Variants in SLC22A31 observed in about 807,000 individuals in gnomAD.
SLC22A31 encodes putative solute carrier family 22 member 31.
Under a neutral mutation model 27.4 loss-of-function variants are expected in SLC22A31, and 42 were observed. The ratio of observed to expected loss-of-function variants is 1.53; its 90% CI spans 1.20 to 1.98. The LOEUF (loss-of-function observed/expected upper bound fraction) is 1.98. SLC22A31 is among the 30% of genes most tolerant of loss of function. The pLI is 0.00. For synonymous variants in SLC22A31, 290 were observed against 230.8 expected (o/e 1.26, Z -2.33); for missense variants, 593 against 479.9 (o/e 1.24, Z -2.20).
chr16:89,198,200 A>G lies in SLC22A31; in HGVS notation c.844T>C (p.Cys282Arg), dbSNP rs2151611934. 1 of 1,535,834 alleles carries G rather than the reference A, an allele frequency of 6.5e-7. No homozygotes were observed. Among genetic ancestry groups the G allele is most frequent in the East Asian group, 2.4e-5 (1 of 40,924 alleles). ...LVFLLLTADC[C>R]GRRPVLLLGT... Reference sequence around the variant, plus strand: ...AGCAGCAGCACGGGGCGGCGTCCACAGCAATCTGCCGTCAGGAGCAGGAAG... The same window carrying G: ...AGCAGCAGCACGGGGCGGCGTCCACGGCAATCTGCCGTCAGGAGCAGGAAG... The change falls in exon 7 of 9, where the codon TGT becomes CGT. Residue 282 changes from cysteine to arginine, a missense_variant. Cys to Arg is a radical substitution (Grantham distance 180, BLOSUM62 -3). Coordinates refer to ENST00000682282, the MANE Select transcript of SLC22A31 (RefSeq NM_001384763.1).
At chr16:89,198,595 C>G (rs1916219219) in intron 5 of SLC22A31, 45 bp from the exon 6 acceptor site, 1 of 1,521,132 alleles carries the variant, frequency 6.6e-7, no homozygotes, top group Non-Finnish European at 8.8e-7. Context: ...GGAGCTGTGC[C>G]TCTCCGAAGC....
chr16:89,196,211 G>T lies in SLC22A31; in HGVS notation c.1129C>A (p.Gln377Lys), dbSNP rs1915882681. ...TLHGRQGFFLQQVVFASLAVL... is the reference protein window; with the variant it reads ...TLHGRQGFFLKQVVFASLAVL... ...GCAAGGGAGGCGAAGACGACTTGTTGCAGGAAGAAGCCCTGCCGGCCGTGC... is the reference window on the plus strand; with the variant it reads ...GCAAGGGAGGCGAAGACGACTTGTTTCAGGAAGAAGCCCTGCCGGCCGTGC... The change falls in exon 9 of 9, where the codon CAA (glutamine) becomes AAA (lysine). Residue 377 changes from glutamine (Q) to lysine (K), a missense_variant. Gln to Lys is a moderately conservative substitution (Grantham distance 53). Transcript: ENST00000682282. 1 of 1,534,908 alleles carries T rather than the reference G, an allele frequency of 6.5e-7. No individual in the cohort carries two copies. The highest frequency in any genetic ancestry group is 8.7e-7 in the Non-Finnish European group (1 of 1,146,494).
At chr16:89,198,050 G>C in intron 7 of SLC22A31, 72 bp downstream of exon 7, 1 of 1,485,052 alleles carries the variant, frequency 6.7e-7, no homozygotes, top group South Asian at 1.3e-5. Context: ...TCGGCACTAT[G>C]GCCCCCTGGT....
At chr16:89,197,240 C>G in intron 8 of SLC22A31, 58 bp downstream of exon 8, 1 of 1,382,458 alleles carries the variant, frequency 7.2e-7, no homozygotes, top group East Asian at 2.5e-5. Flanking sequence ...CACCTGGCCC[C>G]TCCTCCCCAT....
chr16:89,196,305 C>A lies in SLC22A31; in HGVS notation c.1035G>T (p.Arg345Ser), dbSNP rs894777592. 31 of 1,459,044 alleles carry A rather than the reference C, an allele frequency of 2.1e-5. No homozygotes were observed. In the Middle Eastern group the frequency reaches 9.8e-4, roughly 46 times the overall value. 90.4% of individuals were successfully genotyped at this position (1,459,044 alleles called of 1,614,324 possible). A position where few individuals can be genotyped will look rare whatever the true frequency, so the allele number is the denominator to read the frequency against. ...FAAEVFPTVI[R>S]GAGLGLVLGA... is the part of the protein sequence containing the mutation. ...CCAGCACCAGGCCCAGCCCGGCCCC[C>A]CTGTGGGACAGAGTGTGTTGGGGGC... The change falls in exon 9 of 9, where the codon AGG becomes AGT. Residue 345 changes from arginine to serine, a missense_variant and splice_region_variant. By Grantham distance (110) the Arg-to-Ser change is moderately radical (BLOSUM62 -1). Coordinates refer to ENST00000682282, the MANE Select transcript of SLC22A31 (RefSeq NM_001384763.1).
At chr16:89,197,445 C>T in intron 7 of SLC22A31, 36 bp from the exon 8 acceptor site, 1 of 1,460,288 alleles carries the variant, frequency 6.8e-7, no homozygotes, top group Non-Finnish European at 9.3e-7. Flanking sequence ...AGGCTCTCTC[C>T]CCAGGCCTTC....
At chr16:89,201,352 G>A (rs2076508958), upstream of SLC22A31, 5 of 190,912 alleles carry the variant, frequency 2.6e-5, no homozygotes, top group South Asian at 3.8e-4. Flanking sequence ...GTGCGGGCGC[G>A]GGGCGCGGGC....
intron 6 of SLC22A31, 39 bp downstream of exon 6, chr16:89,198,403 C>CG: frequency 1.3e-6 from 2 of 1,528,420 alleles, no homozygotes; most frequent in Non-Finnish European, 1.8e-6. Context: ...ATGCCCACCC[C>CG]GGGGGATGGT....
chr16:89,197,214 G>A (rs1484775370), intron 8 of SLC22A31, 84 bp downstream of exon 8: 3 of 1,085,764 alleles, frequency 2.8e-6, no homozygotes, highest in African/African-American at 3.1e-5. Flanking sequence ...GGGGTATGGG[G>A]ACAGGGCCTC....
intron 7 of SLC22A31, among the ~76,000 whole-genome samples, chr16:89,197,692 T>A (rs1375573431): frequency 6.6e-6 from 1 of 152,182 alleles, no homozygotes; most frequent in Non-Finnish European, 1.5e-5. Flanking sequence ...CCACTGTCTT[T>A]GCAATTTCGA....
upstream of SLC22A31, chr16:89,201,350 GCGGGGCGCGGGCC>G (rs1485203015): frequency 2.5e-5 from 5 of 200,318 alleles, no homozygotes; most frequent in African/African-American, 5.1e-4. Context: ...GCGTGCGGGC[GCGGGGCGCGGGCC>G]CGGGGCGGGT....
In SLC22A31 at chr16:89,198,752, T is replaced by G. The variant is rs1007864455; in HGVS notation, c.498A>C (p.Thr166=). ...FPESPCWLLA[T]GQVARARKIL... Reference sequence around the variant, plus strand: ...TCTTCCTGGCTCGAGCTACCTGACCTGTGGCCAGCAGCCAGCAGGGAGACT... The same window carrying G: ...TCTTCCTGGCTCGAGCTACCTGACCGGTGGCCAGCAGCCAGCAGGGAGACT... The change falls in exon 5 of 9, where the codon ACA becomes ACC. Residue 166 remains threonine, a synonymous_variant. Coordinates refer to ENST00000682282, the MANE Select transcript of SLC22A31 (RefSeq NM_001384763.1). 66 of 1,534,910 alleles carry G rather than the reference T, an allele frequency of 4.3e-5. No homozygotes were observed. Among genetic ancestry groups the G allele is most frequent in the Non-Finnish European group, 5.4e-5 (62 of 1,146,138 alleles).
Position 89,197,313 on chromosome 16 carries a change from A to T in SLC22A31, c.1019T>A (p.Phe340Tyr), listed in dbSNP as rs1221512776. The T allele has an allele frequency of 8.5e-6, 13 of 1,535,532 alleles. No homozygotes were observed. Among genetic ancestry groups the T allele is most frequent in the African/African-American group, 1.4e-5 (1 of 73,006 alleles). The change falls in exon 8 of 9, where the codon TTC becomes TAC. Residue 340 changes from phenylalanine to tyrosine, a missense_variant. By Grantham distance (22) the Phe-to-Tyr change is conservative. Coordinates refer to ENST00000682282, the MANE Select transcript of SLC22A31 (RefSeq NM_001384763.1). ...TGAAGCTCACCTGATCACCGTGGGG[A>T]AGACCTCGGCCGCGAAGAGGCTGCT... ...ALSSLFAAEV[F>Y]PTVIRGAGLG...
At chr16:89,198,063 G>T in intron 7 of SLC22A31, 59 bp downstream of exon 7, 2 of 1,509,852 alleles carry the variant, frequency 1.3e-6, no homozygotes, top group South Asian at 1.2e-5. Context: ...CCCCTGGTGT[G>T]GCAGACCGTC....
At position 89,197,222 on chromosome 16, in the gene SLC22A31, C is replaced by G. The variant is rs909253417; in HGVS notation, c.1034+76G>C. ...CCTGGGTGGGGTATGGGGACAGGGCCTCCTGTCCACCTGGCCCCTCCTCCC... is the reference window on the plus strand; with the variant it reads ...CCTGGGTGGGGTATGGGGACAGGGCGTCCTGTCCACCTGGCCCCTCCTCCC... On this transcript the variant is annotated intron_variant, in intron 8 of 8. Transcript: ENST00000682282. The G allele has an allele frequency of 1.2e-5, 14 of 1,165,076 alleles. No homozygotes were observed. In the Admixed American group the frequency reaches 1.5e-4, roughly 13 times the overall value. 72.2% of individuals were successfully genotyped at this position (1,165,076 alleles called of 1,614,324 possible). A position where few individuals can be genotyped will look rare whatever the true frequency, so the allele number is the denominator to read the frequency against.
At chr16:89,198,931 T>G (rs1030313638) in intron 4 of SLC22A31, 92 bp downstream of exon 4, 1 of 1,493,224 alleles carries the variant, frequency 6.7e-7, no homozygotes. Flanking sequence ...CTGTAACCCA[T>G]GCGTTTACCT....
chr16:89,195,990 C>T lies in SLC22A31; in HGVS notation c.*9G>A, dbSNP rs925205090. ...GTCCCATCCTGGCTCCCAGGGCCAC[C>T]AGGCAGGACTAGTGCTGCTCGGGGG... On this transcript the variant is annotated 3_prime_UTR_variant, in exon 9 of 9. Transcript: ENST00000682282. The T allele has an allele frequency of 2.0e-6, 3 of 1,474,548 alleles. No homozygotes were observed. The South Asian group carries it at 4.0e-5, about 20-fold the overall frequency. 91.3% of individuals were successfully genotyped at this position (1,474,548 alleles called of 1,614,324 possible).
At chr16:89,197,064 G>A (rs752466848) in intron 8 of SLC22A31, among the ~76,000 whole-genome samples, 8 of 151,938 alleles carry the variant, frequency 5.3e-5, no homozygotes, top group Non-Finnish European at 1.0e-4. Context: ...TCAGGCCTGC[G>A]TGGCCTTCCC....
intron 4 of SLC22A31, 107 bp from the exon 5 acceptor site, chr16:89,198,904 T>C: frequency 6.7e-7 from 1 of 1,485,954 alleles, no homozygotes. Context: ...AGGACATCAC[T>C]GTAGTTCTCT....
Sources: gnomAD v4.1 joint callset for allele counts (sites outside exome capture counted in the v4.1 genomes callset) on GRCh38, gnomAD v4.1.1 for gene constraint, MANE v1.5 for transcripts, NCBI Gene and HGNC (gene_info 2026-07-23, HGNC 2026-07-21) for gene names.